The following RYR3 variants were observed in gnomAD, a reference collection of about 807,000 sequenced individuals.
RYR3 encodes the protein ryanodine receptor 3, also known as brain ryanodine receptor-calcium release channel.
A neutral mutation model predicts 584.3 loss-of-function variants in RYR3; 207 were observed. The ratio of observed to expected loss-of-function variants is 0.35; its 90% confidence interval spans 0.32 to 0.40. RYR3 has a LOEUF of 0.40. RYR3 is among the 10% of genes least tolerant of loss of function. The pLI is 1.00. For missense variants in RYR3, 5,616 were observed against 6,089.2 expected (o/e 0.92, Z 2.59); for synonymous variants, 2,416 against 2,248.5 (o/e 1.07, Z -2.11).
intron 1 of RYR3, among the ~76,000 whole-genome samples, chr15:33,383,029 A>C (rs117904574): frequency 0.011 from 1,659 of 152,212 alleles, 13 homozygotes; most frequent in South Asian, 0.02. Context: ...TAAGAAAACA[A>C]TGTAATCATA....
At chr15:33,706,845 T>C (rs1310547267) in intron 42 of RYR3, 74 bp from the exon 43 acceptor site, 15 of 1,408,144 alleles carry the variant, frequency 1.1e-5, no homozygotes, top group Middle Eastern at 3.8e-4. Flanking sequence ...CCAACACTTG[T>C]TATTTTTTGA....
At chr15:33,822,948 TGGTATA>T (rs749517501) in intron 80 of RYR3, 42 bp from the exon 81 acceptor site, 13 of 1,503,882 alleles carry the variant, frequency 8.6e-6, no homozygotes, top group Non-Finnish European at 3.7e-6. Context: ...GTCAGCTCTG[TGGTATA>T]GTTTTCATCG....
intron 27 of RYR3, among the ~76,000 whole-genome samples, chr15:33,640,780 C>G (rs1431217002): frequency 1.3e-5 from 2 of 152,184 alleles, no homozygotes; most frequent in Admixed American, 6.5e-5. Context: ...GAAGACTGTG[C>G]CTTTTGCAAA....
intron 27 of RYR3, among the ~76,000 whole-genome samples, chr15:33,643,632 A>G (rs1238159425): frequency 6.6e-6 from 1 of 151,832 alleles, no homozygotes; most frequent in African/African-American, 2.4e-5. Flanking sequence ...GCTAGCATTT[A>G]AAACTTCTTA....
chr15:33,844,401 A>G (rs569290647), intron 92 of RYR3, among the ~76,000 whole-genome samples: 18 of 152,338 alleles, frequency 1.2e-4, no homozygotes, highest in South Asian at 6.2e-4. Context: ...AGTCATCTGT[A>G]TAAGAATAGC....
intron 1 of RYR3, among the ~76,000 whole-genome samples, chr15:33,394,576 A>T (rs2596194): frequency 0.89 from 135,583 of 152,256 alleles, 60,533 homozygotes; most frequent in East Asian, 1. Flanking sequence ...GATTTTCTCC[A>T]TGGTATCTCT....
chr15:33,787,047 TCTC>T (rs756873156), intron 66 of RYR3, among the ~76,000 whole-genome samples: 83 of 152,182 alleles, frequency 5.5e-4, no homozygotes, highest in African/African-American at 1.2e-3. Flanking sequence ...TTCAAAAAAA[TCTC>T]CTCCCTTACC....
chr15:33,702,171 CGAG>C (rs941261628), intron 42 of RYR3, among the ~76,000 whole-genome samples: 2 of 152,072 alleles, frequency 1.3e-5, no homozygotes, highest in African/African-American at 4.8e-5. Flanking sequence ...AGCCAGGCAT[CGAG>C]AGCGCTGGGC....
At chr15:33,425,747 T>C (rs1358640671) in intron 1 of RYR3, among the ~76,000 whole-genome samples, 1 of 149,466 alleles carries the variant, frequency 6.7e-6, no homozygotes, top group African/African-American at 2.5e-5. Context: ...GTTCATGCCA[T>C]TCTCCTGCCT....
intron 3 of RYR3, among the ~76,000 whole-genome samples, chr15:33,518,882 T>C (rs735545): frequency 4.0e-5 from 6 of 151,888 alleles, no homozygotes; most frequent in African/African-American, 1.5e-4. Flanking sequence ...CAGAGAGAAA[T>C]GTAGAATGCA....
At position 33,515,035 on chromosome 15, in the gene RYR3, T is replaced by C. The variant is rs1297608765; in HGVS notation, c.279+11297T>C. 2.0e-5 allele frequency among the ~76,000 whole-genome samples: 3 copies of C among 152,168 alleles called. No homozygotes were observed. In the East Asian group the frequency reaches 5.8e-4, roughly 29 times the overall value. On this transcript the variant is annotated intron_variant, in intron 3 of 103. Coordinates refer to ENST00000634891, the MANE Select transcript of RYR3 (RefSeq NM_001036.6). ...AAAAATCTCCAGTTATGTTAAACAA[T>C]TTTATAGTTGATACATAATGTACCT...
At chr15:33,341,375 ATGCTGCTGC>A (rs201498508) in intron 1 of RYR3, among the ~76,000 whole-genome samples, 1 of 152,028 alleles carries the variant, frequency 6.6e-6, no homozygotes, top group African/African-American at 2.4e-5. Context: ...ATGTTTTCAG[ATGCTGCTGC>A]TGCTGCTGCT....
chr15:33,680,454 G>A (rs548322688), intron 38 of RYR3, among the ~76,000 whole-genome samples: 1 of 152,302 alleles, frequency 6.6e-6, no homozygotes, highest in Non-Finnish European at 1.5e-5. Context: ...TCTTGTTCCA[G>A]CTTTGCCCTC....
At chr15:33,613,508 C>A (rs1183607569) in intron 19 of RYR3, 133 bp downstream of exon 19, 9 of 925,768 alleles carry the variant, frequency 9.7e-6, no homozygotes, top group Non-Finnish European at 1.4e-5. Context: ...AGTGATGGTG[C>A]AAGGGCAAGA....
chr15:33,592,898 G>A (rs1162908000), intron 16 of RYR3, among the ~76,000 whole-genome samples: 1 of 152,210 alleles, frequency 6.6e-6, no homozygotes, highest in African/African-American at 2.4e-5. Context: ...TGTGCTGAAG[G>A]TGGTCCGGGC....
chr15:33,659,101 G>C (rs537841168), intron 32 of RYR3, among the ~76,000 whole-genome samples: 2 of 152,212 alleles, frequency 1.3e-5, no homozygotes, highest in Non-Finnish European at 2.9e-5. Context: ...TGGGGGCAGA[G>C]AGTGCTGCTG....
rs1167277513 is a variant in RYR3 at position 33,584,469 on chromosome 15, G to A, written c.1648G>A (p.Asp550Asn). The change falls in exon 15 of 104, where the codon GAC (aspartate) becomes AAC (asparagine). Residue 550 changes from aspartate (D) to asparagine (N), a missense_variant. By Grantham distance (23) the Asp-to-Asn change is conservative. This residue lies in a region of RYR3 where 1,284 missense variants were observed against 1,344.6 expected (regional missense o/e 0.95). Coordinates refer to ENST00000634891, the MANE Select transcript of RYR3 (RefSeq NM_001036.6). ...NNLDWLISKL[D>N]RLESSSGILE... ...CCTTGATTGGCTCATCAGTAAATTG[G>A]ACAGACTAGAATCTTCCTCAGGTGA... is the stretch of plus-strand genomic sequence containing the variant. The A allele has an allele frequency of 1.3e-6, 2 of 1,576,972 alleles. No homozygotes were observed. The highest frequency in any genetic ancestry group is 1.7e-5 in the Admixed American group (1 of 59,698).
intron 1 of RYR3, among the ~76,000 whole-genome samples, chr15:33,425,985 G>A (rs75438002): frequency 0.022 from 3,309 of 152,186 alleles, 60 homozygotes; most frequent in Non-Finnish European, 0.029. Flanking sequence ...ATACTGATAT[G>A]TTCCTACATT....
Position 33,854,414 on chromosome 15 carries a change from C to G in RYR3, c.13825C>G (p.His4609Asp), listed in dbSNP as rs1417752886. 7 of 1,575,358 alleles carry G rather than the reference C, an allele frequency of 4.4e-6. No individual in the cohort carries two copies. The highest frequency in any genetic ancestry group is 4.3e-6 in the Non-Finnish European group (5 of 1,159,294). ...SWLSSIDMKY[H>D]IWKLGVVFTD... The stretch of plus-strand genomic sequence containing the variant: ...GCTAAGTTCCATAGACATGAAGTAC[C>G]ATATCTGGAAGCTTGGAGTTGTTTT... The change falls in exon 97 of 104, where the codon CAT becomes GAT. Residue 4609 changes from histidine (H) to aspartate (D), a missense_variant. Physicochemically the swap from His to Asp is moderately conservative, Grantham distance 81. Transcript: ENST00000634891.
Sources: gnomAD v4.1 joint callset for allele counts (sites outside exome capture counted in the v4.1 genomes callset) on GRCh38, gnomAD v4.1.1 for gene constraint, gnomAD v4.1.1 regional missense constraint, MANE v1.5 for transcripts, NCBI Gene and HGNC (gene_info 2026-07-23, HGNC 2026-07-21) for gene names.